The following BIRC6 variants were observed in gnomAD, a reference collection of about 807,000 sequenced individuals.
BIRC6 encodes the protein baculoviral IAP repeat containing 6.
A neutral mutation model predicts 503.3 loss-of-function variants in BIRC6; 98 were observed. That is an observed-to-expected ratio of 0.19 (90% confidence interval 0.17 to 0.23). The LOEUF is 0.23. Ranked by LOEUF, BIRC6 falls within the 10% of genes least tolerant of loss-of-function variation. The pLI is 1.00. For missense variants in BIRC6, 5,360 were observed against 5,806.0 expected, an observed-to-expected ratio of 0.92 and a Z score of 2.50; for synonymous variants, 2,240 against 2,078.7, an observed-to-expected ratio of 1.08 and a Z score of -2.11.
At position 32,357,308 on chromosome 2, in the gene BIRC6, G is replaced by A; in HGVS notation, c.147G>A (p.Ala49=). The change falls in exon 1 of 74, where the codon GCG becomes GCA. Residue 49 remains alanine (A), a synonymous_variant. Coordinates refer to ENST00000421745, the MANE Select transcript of BIRC6 (RefSeq NM_016252.4). This position sits in a 1 kb window ranked among gnomAD's most constrained non-coding sequence, Gnocchi z 4.9. ...PGCSSAAGAG[A]AGVSEWLVLR... is the part of the protein sequence containing the mutation. Reference sequence around the variant, plus strand: ...GCTCCTCGGCGGCGGGGGCGGGGGCGGCCGGGGTCTCAGAGTGGCTGGTGC... The same window carrying A: ...GCTCCTCGGCGGCGGGGGCGGGGGCAGCCGGGGTCTCAGAGTGGCTGGTGC... 1 of 1,526,908 alleles carries A rather than the reference G, an allele frequency of 6.5e-7. No individual in the cohort carries two copies. The highest frequency in any genetic ancestry group is 2.6e-5 in the East Asian group (1 of 38,442). 94.6% of individuals were successfully genotyped at this position (1,526,908 alleles called of 1,614,324 possible).
chr2:32,379,051 C>G (rs2037240419), intron 2 of BIRC6: 1 of 152,032 alleles, frequency 6.6e-6, no homozygotes, highest in African/African-American at 2.4e-5. Flanking sequence ...AAAAGTATGT[C>G]CAATAAAGTA....
intron 66 of BIRC6, among the ~76,000 whole-genome samples, chr2:32,592,573 A>T (rs958058898): frequency 1.3e-5 from 2 of 151,330 alleles, no homozygotes; most frequent in African/African-American, 4.9e-5. Context: ...TGTAGATGAC[A>T]TAGTATTATT....
At chr2:32,575,051 T>G in intron 65 of BIRC6, 105 bp from the exon 66 acceptor site, 15 of 1,206,454 alleles carry the variant, frequency 1.2e-5, no homozygotes, top group Non-Finnish European at 1.8e-5. Context: ...CCCAGCCGGG[T>G]CAGCTGTGGA....
chr2:32,601,301 G>C (rs898964217), intron 70 of BIRC6, among the ~76,000 whole-genome samples: 1 of 152,204 alleles, frequency 6.6e-6, no homozygotes, highest in Admixed American at 6.5e-5. Flanking sequence ...AACCACCTAC[G>C]CCGGGCGTGG....
intron 21 of BIRC6, among the ~76,000 whole-genome samples, chr2:32,447,648 A>G (rs1444496677): frequency 3.1e-4 from 24 of 77,964 alleles, no homozygotes; most frequent in Non-Finnish European, 3.6e-4. Flanking sequence ...CTGGCCGGGC[A>G]GGGGGCTGAC....
intron 72 of BIRC6, 40 bp from the exon 73 acceptor site, chr2:32,611,408 C>T: frequency 6.5e-7 from 1 of 1,542,298 alleles, no homozygotes; most frequent in Non-Finnish European, 8.8e-7. Flanking sequence ...TTAAATTTGA[C>T]TGTAAACACT....
intron 44 of BIRC6, among the ~76,000 whole-genome samples, chr2:32,492,310 C>T (rs572306987): frequency 6.6e-6 from 1 of 152,092 alleles, no homozygotes; most frequent in African/African-American, 2.4e-5. Flanking sequence ...CAGTATTTAC[C>T]AAGATCAAAT....
intron 21 of BIRC6, 35 bp from the exon 22 acceptor site, chr2:32,448,760 A>T: frequency 6.3e-7 from 1 of 1,582,020 alleles, no homozygotes; most frequent in Non-Finnish European, 8.6e-7. Flanking sequence ...AGATGGCTGA[A>T]AGGAAAATTG....
intron 33 of BIRC6, among the ~76,000 whole-genome samples, 199 bp from the exon 34 acceptor site, chr2:32,476,014 T>A (rs895788308): frequency 2.6e-5 from 4 of 152,070 alleles, no homozygotes; most frequent in Non-Finnish European, 5.9e-5. Context: ...TAAGGGAGAT[T>A]TTAATGAAAA....
Position 32,575,372 on chromosome 2 carries a change from A to AT in BIRC6, c.13355+7dup. 1 of 1,611,070 alleles carries AT rather than the reference A, an allele frequency of 6.2e-7. No homozygotes were observed. The highest frequency in any genetic ancestry group is 8.5e-7 in the Non-Finnish European group (1 of 1,177,284). On this transcript the variant is annotated splice_region_variant and intron_variant, in intron 66 of 73. Coordinates refer to ENST00000421745, the MANE Select transcript of BIRC6 (RefSeq NM_016252.4). ...ACCTATACCAACCGTTTAAGGTACT[A>AT]TATACAATGTTCATTTCTCTTGAGT... is the stretch of plus-strand genomic sequence containing the variant.
intron 53 of BIRC6, among the ~76,000 whole-genome samples, chr2:32,511,476 ATTTTTTTT>A (rs1166383796): frequency 0.034 from 2,702 of 80,122 alleles, 72 homozygotes; most frequent in African/African-American, 0.095. Context: ...TAACTGACTA[ATTTTTTTT>A]TTTTTTTTTT....
rs6743344 is a variant in BIRC6 at position 32,391,922 on chromosome 2, C to T, written c.840-117C>T. 1.7e-3 allele frequency: 1,122 copies of T among 642,594 alleles called. 14 individuals are homozygous for T. In the African/African-American group the frequency reaches 0.018, roughly 10 times the overall value. The allele number at this position is 642,594 out of a possible 1,614,324, so 39.8% of individuals were successfully genotyped here. On this transcript the variant is annotated intron_variant, in intron 4 of 73. Transcript: ENST00000421745. ...AAAGTAAAAAATTGAACTTGTTCAT[C>T]AGACCATTTGCAGTTTTTGCTGATA...
intron 40 of BIRC6, among the ~76,000 whole-genome samples, chr2:32,486,322 A>C (rs953191648): frequency 1.3e-5 from 2 of 152,178 alleles, no homozygotes; most frequent in African/African-American, 2.4e-5. Context: ...AAACTACTCA[A>C]CTCTGACTTG....
Position 32,369,968 on chromosome 2 carries a change from ATATATATATATATATATG to A in BIRC6, c.326-7616_326-7599del, listed in dbSNP as rs1465911036. Among the ~76,000 whole-genome samples, 362 of 63,914 alleles carry A rather than the reference ATATATATATATATATATG, an allele frequency of 5.7e-3. 21 individuals are homozygous for A. Among genetic ancestry groups the A allele is most frequent in the African/African-American group, 0.013 (251 of 18,722 alleles). The allele number at this position is 63,914 out of a possible 152,430, so 41.9% of individuals were successfully genotyped here. A position where few individuals can be genotyped will look rare whatever the true frequency, so the allele number is the denominator to read the frequency against. On this transcript the variant is annotated intron_variant, in intron 1 of 73. Transcript: ENST00000421745. ...AAAATATATATATATATATATATAT[ATATATATATATATATATG>A]TATGTATGTATGTGTGTGTATATAT...
At chr2:32,596,759 A>C (rs2061701516) in intron 68 of BIRC6, among the ~76,000 whole-genome samples, 1 of 152,200 alleles carries the variant, frequency 6.6e-6, no homozygotes, top group Non-Finnish European at 1.5e-5. Context: ...TTAAAAATAC[A>C]TGGCAGTGTT....
intron 44 of BIRC6, among the ~76,000 whole-genome samples, chr2:32,493,021 GTT>G (rs537057604): frequency 5.8e-5 from 8 of 136,902 alleles, no homozygotes; most frequent in Admixed American, 7.3e-5. Context: ...TGGGAAAGCA[GTT>G]TTTTTTTTTT....
At chr2:32,583,004 T>G (rs559005245) in intron 66 of BIRC6, among the ~76,000 whole-genome samples, 1 of 152,346 alleles carries the variant, frequency 6.6e-6, no homozygotes, top group African/African-American at 2.4e-5. Flanking sequence ...TGTTTTAAGT[T>G]GTCCTCAATT....
intron 65 of BIRC6, among the ~76,000 whole-genome samples, chr2:32,552,160 G>T (rs1392429522): frequency 6.6e-6 from 1 of 152,158 alleles, no homozygotes; most frequent in Non-Finnish European, 1.5e-5. Context: ...AATGTCAATT[G>T]TGGTTTCTTA....
intron 9 of BIRC6, among the ~76,000 whole-genome samples, chr2:32,413,246 T>A (rs968526510): frequency 1.3e-5 from 2 of 149,300 alleles, no homozygotes; most frequent in African/African-American, 5.0e-5. Flanking sequence ...AATGGTGCGG[T>A]CTTGGCTCAC....
Sources: allele counts gnomAD v4.1 joint callset (sites outside exome capture counted in the v4.1 genomes callset), GRCh38; gene constraint gnomAD v4.1.1; non-coding constraint Gnocchi (gnomAD v3.1); transcripts MANE v1.5; gene names NCBI Gene and HGNC (gene_info 2026-07-23, HGNC 2026-07-21).